APC: variants seen among roughly 807,000 people sequenced by gnomAD.
APC encodes the protein adenomatous polyposis coli protein.
In APC, 72 loss-of-function variants were observed where a neutral mutation model predicts 247.0. The ratio of observed to expected loss-of-function variants is 0.29; its 90% CI spans 0.24 to 0.35. The LOEUF (loss-of-function observed/expected upper bound fraction) is 0.35, where lower values mean the gene tolerates loss of function less well. APC is among the 10% of genes least tolerant of loss of function. The pLI is 1.00. For synonymous variants in APC, 1,254 were observed against 1,162.5 expected, an observed-to-expected ratio of 1.08 and a Z score of -1.60; for missense variants, 3,400 against 3,360.7, an observed-to-expected ratio of 1.01 and a Z score of -0.29.
chr5:112,770,056 T>G (rs1432449373), intron 4 of APC, among the ~76,000 whole-genome samples: 1 of 152,204 alleles, frequency 6.6e-6, no homozygotes, highest in East Asian at 1.9e-4. Context: ...TTTCTTTTCC[T>G]TACTTTGCTT....
At chr5:112,710,040 G>A (rs949747503) in intron 1 of APC, among the ~76,000 whole-genome samples, 1 of 151,610 alleles carries the variant, frequency 6.6e-6, no homozygotes, top group African/African-American at 2.4e-5. Flanking sequence ...GATTTCATTT[G>A]CCTCCCTGTG....
intron 14 of APC, chr5:112,830,071 T>G (rs1315636910): frequency 6.6e-6 from 1 of 152,244 alleles, no homozygotes; most frequent in African/African-American, 2.4e-5. Context: ...AACTTTCCTC[T>G]TCAGAGAAGG....
chr5:112,829,202 G>C, intron 14 of APC: 1 of 407,880 alleles, frequency 2.5e-6, no homozygotes, highest in South Asian at 2.2e-5. Flanking sequence ...GCAGTGGTCT[G>C]ATCTTGGCTC....
chr5:112,747,988 T>G (rs1021580434), intron 1 of APC, among the ~76,000 whole-genome samples: 1 of 152,204 alleles, frequency 6.6e-6, no homozygotes, highest in African/African-American at 2.4e-5. Context: ...TCTATTTATG[T>G]GTTTGGGGCT....
chr5:112,777,144 A>C (rs1580365463), intron 5 of APC, among the ~76,000 whole-genome samples: 1 of 152,300 alleles, frequency 6.6e-6, no homozygotes, highest in African/African-American at 2.4e-5. Flanking sequence ...ACTTGAAGTG[A>C]TTTATTTTTC....
intron 1 of APC, among the ~76,000 whole-genome samples, chr5:112,751,301 A>G (rs1437361207): frequency 6.6e-6 from 1 of 152,082 alleles, no homozygotes; most frequent in Non-Finnish European, 1.5e-5. Flanking sequence ...CAATATTTTA[A>G]TATGTTGTTG....
chr5:112,838,405 C>T lies in APC; in HGVS notation c.2811C>T (p.Phe937=), dbSNP rs781367306. The T allele has an allele frequency of 4.3e-6, 7 of 1,614,150 alleles. 1 individual carries two copies. In the South Asian group the frequency reaches 7.7e-5, roughly 18 times the overall value. Residue 937 remains phenylalanine, a synonymous_variant, in exon 16 of 16, where the codon TTC becomes TTT. Coordinates refer to ENST00000257430, the MANE Select transcript of APC (RefSeq NM_000038.6). ...AAHTHSNTYN[F]TKSENSNRTC... ...ATACACATTCAAACACTTACAATTT[C>T]ACTAAGTCGGAAAATTCAAATAGGA...
intron 6 of APC, among the ~76,000 whole-genome samples, chr5:112,786,250 G>T (rs1000193346): frequency 2.7e-5 from 4 of 146,528 alleles, no homozygotes; most frequent in Non-Finnish European, 4.6e-5. Context: ...CATCGCACCT[G>T]CCTAACCCAT....
At chr5:112,826,989 T>A (rs985972948) in intron 11 of APC, 119 bp from the exon 12 acceptor site, 3 of 965,966 alleles carry the variant, frequency 3.1e-6, no homozygotes, top group Non-Finnish European at 4.7e-6. Flanking sequence ...TAAAGGCAAA[T>A]TTAAACCATA....
At position 112,842,637 on chromosome 5, in the gene APC, C is replaced by T. The variant is rs1060503342; in HGVS notation, c.7043C>T (p.Thr2348Ile). 5 of 1,613,820 alleles carry T rather than the reference C, an allele frequency of 3.1e-6. No homozygotes were observed. Among genetic ancestry groups the T allele is most frequent in the East Asian group, 2.2e-5 (1 of 44,892 alleles). Reference sequence around the variant, plus strand: ...AACAAATTATCTCAACTTCCAAGGACATCATCCCCTAGTACTGCTTCAACT... The same window carrying T: ...AACAAATTATCTCAACTTCCAAGGATATCATCCCCTAGTACTGCTTCAACT... Reference protein sequence around the residue: ...PPNKLSQLPRTSSPSTASTKS... With the variant: ...PPNKLSQLPRISSPSTASTKS... Residue 2348 changes from threonine to isoleucine, a missense_variant, in exon 16 of 16, where the codon ACA becomes ATA. Transcript: ENST00000257430.
At chr5:112,736,169 A>AT (rs1396456249), upstream of APC, among the ~76,000 whole-genome samples, 1 of 152,246 alleles carries the variant, frequency 6.6e-6, no homozygotes, top group East Asian at 1.9e-4. Flanking sequence ...CAGTAAGAGG[A>AT]TTTTGAAAGC....
chr5:112,801,901 C>G, intron 8 of APC, among the ~76,000 whole-genome samples: 2 of 151,828 alleles, frequency 1.3e-5, no homozygotes, highest in East Asian at 3.8e-4. Context: ...TTAATATTAC[C>G]ACATCATTTT....
intron 1 of APC, among the ~76,000 whole-genome samples, chr5:112,754,338 A>G (rs1202485836): frequency 9.2e-5 from 14 of 152,356 alleles, no homozygotes; most frequent in East Asian, 5.8e-4. Context: ...TTGCCTTTTA[A>G]TGACATCTTA....
Position 112,845,309 on chromosome 5 carries a change from A to C in APC, c.*1183A>C. On this transcript the variant is annotated 3_prime_UTR_variant, in exon 16 of 16. Coordinates refer to ENST00000257430, the MANE Select transcript of APC (RefSeq NM_000038.6). ...GTAATAGCAATGCAAGCAGCCTAGC[A>C]CAGACTAAGCATTGAGCATAATAGG... is the stretch of plus-strand genomic sequence containing the variant. The C allele has an allele frequency of 4.3e-6, 1 of 232,846 alleles. No homozygotes were observed. The allele number at this position is 232,846 out of a possible 1,614,324, so 14.4% of individuals were successfully genotyped here.
intron 2 of APC, among the ~76,000 whole-genome samples, chr5:112,757,994 G>C (rs1268257358): frequency 1.3e-5 from 2 of 152,160 alleles, no homozygotes; most frequent in Non-Finnish European, 2.9e-5. Context: ...TATGATGCCT[G>C]AGCTTTATTT....
At chr5:112,718,036 T>A (rs1227281016) in intron 1 of APC, among the ~76,000 whole-genome samples, 1 of 148,016 alleles carries the variant, frequency 6.8e-6, no homozygotes, top group African/African-American at 2.5e-5. Context: ...TGTTATTAAC[T>A]CATTCAGTAA....
chr5:112,835,813 C>T (rs1764827706), intron 15 of APC, among the ~76,000 whole-genome samples: 1 of 151,804 alleles, frequency 6.6e-6, no homozygotes, highest in East Asian at 1.9e-4. Context: ...CCTCCAGTGA[C>T]CCACCTGTCT....
chr5:112,839,740 C>T lies in APC; in HGVS notation c.4146C>T (p.Leu1382=), dbSNP rs876658384. The part of the protein sequence containing the change: ...PPEHYVQETP[L]MFSRCTSVSS... ...AACACTATGTTCAGGAGACCCCACT[C>T]ATGTTTAGCAGATGTACTTCTGTCA... Residue 1382 remains leucine, a synonymous_variant, in exon 16 of 16, where the codon CTC becomes CTT. Coordinates refer to ENST00000257430, the MANE Select transcript of APC (RefSeq NM_000038.6). This position sits in a 1 kb window ranked among gnomAD's most constrained non-coding sequence, Gnocchi z 5.0. 6.2e-7 allele frequency: 1 copy of T among 1,614,116 alleles called. No homozygotes were observed. Among genetic ancestry groups the T allele is most frequent in the Non-Finnish European group, 8.5e-7 (1 of 1,180,010 alleles).
chr5:112,788,241 A>T (rs1759193211), intron 6 of APC, among the ~76,000 whole-genome samples: 1 of 152,156 alleles, frequency 6.6e-6, no homozygotes, highest in African/African-American at 2.4e-5. Flanking sequence ...CTTTGTTTTT[A>T]AAAATGTAGT....
Sources: gnomAD v4.1 joint callset for allele counts (sites outside exome capture counted in the v4.1 genomes callset) on GRCh38, gnomAD v4.1.1 for gene constraint, Gnocchi (gnomAD v3.1) non-coding constraint, MANE v1.5 for transcripts, NCBI Gene and HGNC (gene_info 2026-07-23, HGNC 2026-07-21) for gene names.